The following HMGB3 variants were observed in gnomAD, a reference collection of about 807,000 sequenced individuals.
HMGB3 encodes the protein high mobility group box 3, also known as high mobility group protein B3.
In HMGB3, 1 loss-of-function variant was observed where a neutral mutation model predicts 12.9. The observed-to-expected ratio is 0.08, with a 90% CI of 0.03 to 0.37. The LOEUF is 0.37. HMGB3 is among the 10% of genes least tolerant of loss of function. HMGB3 has a pLI of 0.99. For synonymous variants in HMGB3, 61 were observed against 53.9 expected (o/e 1.13, Z -0.57); for missense variants, 74 against 153.3 (o/e 0.48, Z 2.73).
intron 2 of HMGB3, 98 bp downstream of exon 2, chrX:150,985,847 TCTTTTA>T (rs1241467594): frequency 1.3e-4 from 116 of 878,218 alleles, no homozygotes; most frequent in Admixed American, 2.1e-4. Flanking sequence ...GCTTGCTTCC[TCTTTTA>T]CTTTTACTTA....
upstream of HMGB3, among the ~76,000 whole-genome samples, chrX:150,982,003 C>T (rs1557425095): frequency 2.7e-5 from 3 of 112,097 alleles, no homozygotes; most frequent in African/African-American, 9.7e-5. Flanking sequence ...TCATAAATAG[C>T]TGGATCTCTT....
intron 1 of HMGB3, among the ~76,000 whole-genome samples, chrX:150,984,361 G>GGGCGGC (rs1161547742): frequency 2.1e-5 from 2 of 96,662 alleles, no homozygotes; most frequent in Non-Finnish European, 4.3e-5. Context: ...GCCGACGGGC[G>GGGCGGC]GGCGGCGGCG....
At chrX:150,986,717 C>T (rs1394977665) in intron 3 of HMGB3, among the ~76,000 whole-genome samples, 2 of 111,350 alleles carry the variant, frequency 1.8e-5, no homozygotes, top group Admixed American at 1.9e-4. Context: ...GATCTTGGCT[C>T]ACTGCAACCT....
At chrX:150,986,685 A>G (rs1557425245) in intron 3 of HMGB3, among the ~76,000 whole-genome samples, 1 of 111,495 alleles carries the variant, frequency 9.0e-6, no homozygotes, top group Non-Finnish European at 1.9e-5. Flanking sequence ...TTCGCTCTTG[A>G]CCAGGCTGGA....
chrX:150,984,564 G>C, intron 1 of HMGB3: 1 of 745,057 alleles, frequency 1.3e-6, no homozygotes, highest in Non-Finnish European at 1.6e-6. Flanking sequence ...GTCCCCCGGG[G>C]ATGACAGCGG....
At chrX:150,986,687 C>G (rs1046915221) in intron 3 of HMGB3, among the ~76,000 whole-genome samples, 1 of 111,604 alleles carries the variant, frequency 9.0e-6, no homozygotes, top group Non-Finnish European at 1.9e-5. Context: ...CGCTCTTGAC[C>G]AGGCTGGAGT....
chrX:150,982,833 T>C (rs782794236), upstream of HMGB3, among the ~76,000 whole-genome samples: 1 of 112,872 alleles, frequency 8.9e-6, no homozygotes, highest in Non-Finnish European at 1.9e-5. Context: ...CGCGTTTCTG[T>C]CGCGGCGCCG....
rs781901841 is a variant in HMGB3 at position 150,988,633 on chromosome X, CAA to C, written c.*721_*722del. The C allele has an allele frequency of 6.2e-5, 7 of 112,050 alleles. No individual in the cohort carries two copies. Among genetic ancestry groups the C allele is most frequent in the Non-Finnish European group, 1.1e-4 (6 of 53,204 alleles). The allele number at this position is 112,050 out of a possible 1,213,427, so 9.2% of individuals were successfully genotyped here. On this transcript the variant is annotated 3_prime_UTR_variant, in exon 5 of 5. Coordinates refer to ENST00000325307, the MANE Select transcript of HMGB3 (RefSeq NM_005342.4). ...ATAGAACTCTTCATTGTCAGCAAAG[CAA>C]AGAGTCACTGCATCAATGAAAGTTC...
intron 1 of HMGB3, among the ~76,000 whole-genome samples, chrX:150,984,377 G>A (rs1369582463): frequency 5.0e-5 from 5 of 99,487 alleles, no homozygotes; most frequent in Non-Finnish European, 1.0e-4. Flanking sequence ...CGGCGGCGGG[G>A]CCCGGGCCGC....
At position 150,990,564 on chromosome X, in the gene HMGB3, T is replaced by TCC. The variant is rs1212403467; in HGVS notation, c.*2654_*2655dup. The TCC allele has an allele frequency of 4.8e-5, 5 of 103,452 alleles. No individual in the cohort carries two copies. The highest frequency in any genetic ancestry group is 7.9e-5 in the Non-Finnish European group (4 of 50,441). The allele number at this position is 103,452 out of a possible 1,213,427, so 8.5% of individuals were successfully genotyped here. A position where few individuals can be genotyped will look rare whatever the true frequency, so the allele number is the denominator to read the frequency against. On this transcript the variant is annotated 3_prime_UTR_variant, in exon 5 of 5. Coordinates refer to ENST00000325307, the MANE Select transcript of HMGB3 (RefSeq NM_005342.4). ...CAACCTGTTGCTTTTTTTTTTTTTT[T>TCC]CCCCCATTTAAAAGGATAGTACCTA...
chrX:150,984,230 T>G (rs1191815018), intron 1 of HMGB3, among the ~76,000 whole-genome samples: 1 of 91,235 alleles, frequency 1.1e-5, no homozygotes, highest in Non-Finnish European at 2.2e-5. Flanking sequence ...CCGAGCGTCA[T>G]GGCTGCACGG....
intron 3 of HMGB3, among the ~76,000 whole-genome samples, chrX:150,986,402 G>A (rs1408870084): frequency 1.3e-4 from 14 of 110,074 alleles, no homozygotes; most frequent in African/African-American, 4.3e-4. Context: ...TTTGTGGGCT[G>A]TGCTTGCACA....
upstream of HMGB3, among the ~76,000 whole-genome samples, chrX:150,982,755 G>A (rs2047999952): frequency 8.8e-6 from 1 of 113,344 alleles, no homozygotes; most frequent in Admixed American, 9.2e-5. Flanking sequence ...GAGATCCGAG[G>A]ACTAAATCCC....
At chrX:150,987,352 A>G in intron 4 of HMGB3, 50 bp downstream of exon 4, 2 of 1,078,171 alleles carry the variant, frequency 1.9e-6, no homozygotes, top group Non-Finnish European at 2.5e-6. Context: ...TGGTTCTGCT[A>G]TCAGTAGGTT....
At position 150,989,870 on chromosome X, in the gene HMGB3, G is replaced by A. The variant is rs1353642909; in HGVS notation, c.*1956G>A. 1 of 111,941 alleles carries A rather than the reference G, an allele frequency of 8.9e-6. No individual in the cohort carries two copies. The highest frequency in any genetic ancestry group is 1.9e-5 in the Non-Finnish European group (1 of 53,233). 9.2% of individuals were successfully genotyped at this position (111,941 alleles called of 1,213,427 possible). A position where few individuals can be genotyped will look rare whatever the true frequency, so the allele number is the denominator to read the frequency against. On this transcript the variant is annotated 3_prime_UTR_variant, in exon 5 of 5. Transcript: ENST00000325307. ...GCCCTGTCGGGTCCTGGATGAGTAC[G>A]AGTTATGGTCACGGTCACAGCCTGA...
In HMGB3 at chrX:150,990,716, G is replaced by A. The variant is rs2048104136; in HGVS notation, c.*2802G>A. ...TGTTCTTGTCACAAATGTATTTGGG[G>A]ACGTTGGATGCATTCATTTTCTGTA... is the stretch of plus-strand genomic sequence containing the variant. On this transcript the variant is annotated 3_prime_UTR_variant, in exon 5 of 5. Transcript: ENST00000325307. 8.9e-6 allele frequency: 1 copy of A among 111,742 alleles called. No individual in the cohort carries two copies. The allele number at this position is 111,742 out of a possible 1,213,427, so 9.2% of individuals were successfully genotyped here.
At chrX:150,980,652 G>A (rs2047987680), upstream of HMGB3, 4 of 731,009 alleles carry the variant, frequency 5.5e-6, no homozygotes, top group South Asian at 2.8e-4. Context: ...GAAGTATGTG[G>A]GGAGAAATAG....
chrX:150,980,618 G>T, upstream of HMGB3: 3 of 749,800 alleles, frequency 4.0e-6, no homozygotes, highest in Non-Finnish European at 4.7e-6. Flanking sequence ...CTTCCTGCGC[G>T]TAAGCGCAAT....
At chrX:150,982,708 C>T (rs1419531971), upstream of HMGB3, among the ~76,000 whole-genome samples, 1 of 113,371 alleles carries the variant, frequency 8.8e-6, no homozygotes. Flanking sequence ...GAGCACGATC[C>T]GCAGAAGCGG....
Sources: allele counts gnomAD v4.1 joint callset (sites outside exome capture counted in the v4.1 genomes callset), GRCh38; gene constraint gnomAD v4.1.1; transcripts MANE v1.5; gene names NCBI Gene and HGNC (gene_info 2026-07-23, HGNC 2026-07-21).